RSBN1L: variants seen among roughly 807,000 people sequenced by gnomAD.
RSBN1L encodes the protein lysine-specific demethylase RSBN1L.
A neutral mutation model predicts 67.7 loss-of-function variants in RSBN1L; 30 were observed. That is an observed-to-expected ratio of 0.44 (90% CI 0.33 to 0.60). RSBN1L has a LOEUF of 0.60. Ranked by LOEUF, RSBN1L falls within the 20% of genes least tolerant of loss-of-function variation. RSBN1L has a pLI of 0.02. For synonymous variants in RSBN1L, 433 were observed against 387.0 expected (o/e 1.12, Z -1.39); for missense variants, 992 against 1,031.7 (o/e 0.96, Z 0.53).
intron 6 of RSBN1L, among the ~76,000 whole-genome samples, chr7:77,777,115 C>T (rs1226584784): frequency 1.3e-5 from 2 of 151,558 alleles, no homozygotes; most frequent in African/African-American, 2.4e-5. Flanking sequence ...TAATATGAGA[C>T]TTCTTTATGT....
intron 6 of RSBN1L, among the ~76,000 whole-genome samples, chr7:77,774,370 C>T (rs1791884542): frequency 6.6e-6 from 1 of 151,942 alleles, no homozygotes; most frequent in Non-Finnish European, 1.5e-5. Flanking sequence ...GTGGGATCAC[C>T]TGAGGTCAGG....
intron 1 of RSBN1L, among the ~76,000 whole-genome samples, chr7:77,732,027 A>T (rs1791278633): frequency 6.6e-6 from 1 of 151,896 alleles, no homozygotes; most frequent in Non-Finnish European, 1.5e-5. Context: ...TTCTCTTTTT[A>T]TTTTTAAATA....
chr7:77,748,956 T>C (rs1473446134), intron 2 of RSBN1L, among the ~76,000 whole-genome samples: 1 of 152,132 alleles, frequency 6.6e-6, no homozygotes, highest in Non-Finnish European at 1.5e-5. Context: ...TCTCGCTGTG[T>C]ACATGAAGAG....
rs774492269 is a variant in RSBN1L at position 77,696,819 on chromosome 7, C to T, written c.350C>T (p.Ser117Phe). ...SAGTAVPSSA[S>F]ASLSQPVPRK... The stretch of plus-strand genomic sequence containing the variant: ...GGCACGGCCGTTCCCTCCTCAGCCT[C>T]CGCTTCCTTGTCTCAGCCGGTGCCG... The change falls in exon 1 of 8, where the codon TCC becomes TTC. Residue 117 changes from serine to phenylalanine, a missense_variant. Transcript: ENST00000334955. 2.5e-6 allele frequency: 4 copies of T among 1,613,678 alleles called. No individual in the cohort carries two copies. The highest frequency in any genetic ancestry group is 4.5e-5 in the East Asian group (2 of 44,878).
Position 77,779,172 on chromosome 7 carries a change from T to C in RSBN1L, c.*4T>C, listed in dbSNP as rs1791960969. The C allele has an allele frequency of 6.4e-7, 1 of 1,556,260 alleles. No individual in the cohort carries two copies. The highest frequency in any genetic ancestry group is 2.1e-5 in the Admixed American group (1 of 46,690). On this transcript the variant is annotated 3_prime_UTR_variant, in exon 8 of 8. Transcript: ENST00000334955. ...AGACGATGACATTTTGTGCTAAATT[T>C]GCATATACCATCTAAAATCCTTTTT... is the stretch of plus-strand genomic sequence containing the variant.
chr7:77,742,870 T>G (rs948800247), intron 2 of RSBN1L, among the ~76,000 whole-genome samples: 1 of 152,168 alleles, frequency 6.6e-6, no homozygotes, highest in African/African-American at 2.4e-5. Flanking sequence ...CTATATTGTT[T>G]GCACAGTTTT....
chr7:77,758,105 G>A (rs186201727), intron 3 of RSBN1L, among the ~76,000 whole-genome samples: 16 of 152,060 alleles, frequency 1.1e-4, no homozygotes, highest in Non-Finnish European at 2.1e-4. Context: ...GTTTTTAATC[G>A]ATAAAAGAGT....
intron 1 of RSBN1L, among the ~76,000 whole-genome samples, chr7:77,707,514 G>T (rs1434359145): frequency 1.3e-5 from 2 of 152,074 alleles, no homozygotes; most frequent in Non-Finnish European, 2.9e-5. Context: ...TTATAGAAGA[G>T]TATATATTTC....
At chr7:77,707,397 CAAT>C (rs1790910263) in intron 1 of RSBN1L, among the ~76,000 whole-genome samples, 1 of 152,202 alleles carries the variant, frequency 6.6e-6, no homozygotes, top group African/African-American at 2.4e-5. Flanking sequence ...CCTTTACTCT[CAAT>C]GATTAATCTG....
intron 6 of RSBN1L, among the ~76,000 whole-genome samples, chr7:77,775,143 G>A (rs1339353348): frequency 2.0e-5 from 3 of 152,168 alleles, no homozygotes; most frequent in East Asian, 1.9e-4. Flanking sequence ...GTAGAGACAC[G>A]GTCTTGCTCT....
chr7:77,778,678 T>C lies in RSBN1L; in HGVS notation c.2051T>C (p.Leu684Ser). 6.2e-7 allele frequency: 1 copy of C among 1,614,070 alleles called. No individual in the cohort carries two copies. Among genetic ancestry groups the C allele is most frequent in the Non-Finnish European group, 8.5e-7 (1 of 1,180,000 alleles). Reference protein sequence around the residue: ...QFKTVSAVCSLAWHIRLKLYH... With the variant: ...QFKTVSAVCSSAWHIRLKLYH... ...AAGACAGTTTCAGCTGTATGCAGTT[T>C]AGCATGGCATATTCGGCTCAAATTA... The change falls in exon 8 of 8, where the codon TTA (leucine) becomes TCA (serine). Residue 684 changes from leucine to serine, a missense_variant. Physicochemically the swap from Leu to Ser is moderately radical, Grantham distance 145 (BLOSUM62 -2). Coordinates refer to ENST00000334955, the MANE Select transcript of RSBN1L (RefSeq NM_198467.3).
At chr7:77,765,665 T>C in intron 4 of RSBN1L, 33 bp downstream of exon 4, 1 of 1,479,952 alleles carries the variant, frequency 6.8e-7, no homozygotes, top group Non-Finnish European at 9.1e-7. Context: ...ATTAGAGTTT[T>C]TTTTTTAAAA....
chr7:77,709,198 A>ATGTGTATGTATG (rs11268837), intron 1 of RSBN1L, among the ~76,000 whole-genome samples: 1 of 63,644 alleles, frequency 1.6e-5, no homozygotes, highest in African/African-American at 4.7e-5. Flanking sequence ...GTGTGTGTGT[A>ATGTGTATGTATG]TGTATGTGTA....
At chr7:77,702,029 A>C (rs1790825404) in intron 1 of RSBN1L, among the ~76,000 whole-genome samples, 1 of 151,142 alleles carries the variant, frequency 6.6e-6, no homozygotes, top group African/African-American at 2.4e-5. Context: ...AGTGCAATGC[A>C]GTTTTGGCTC....
intron 2 of RSBN1L, among the ~76,000 whole-genome samples, chr7:77,744,750 C>G (rs1025946891): frequency 6.6e-6 from 1 of 152,060 alleles, no homozygotes; most frequent in Admixed American, 6.5e-5. Context: ...TAACACTTTG[C>G]CTTTTATGAC....
intron 1 of RSBN1L, among the ~76,000 whole-genome samples, chr7:77,732,595 A>G (rs1286397806): frequency 2.0e-5 from 3 of 152,076 alleles, no homozygotes; most frequent in African/African-American, 7.2e-5. Flanking sequence ...TGCCCTCCCA[A>G]AGTGCTGGGA....
At position 77,766,837 on chromosome 7, in the gene RSBN1L, C is replaced by T. The variant is rs535235255; in HGVS notation, c.1482+1205C>T. ...CTTTAACCTTGTTCCATTCCTTTTT[C>T]TCTTTTCCTTTTAAACTTTTTGTTC... On this transcript the variant is annotated intron_variant, in intron 4 of 7. Coordinates refer to ENST00000334955, the MANE Select transcript of RSBN1L (RefSeq NM_198467.3). Among the ~76,000 whole-genome samples, 5 of 152,086 alleles carry T rather than the reference C, an allele frequency of 3.3e-5. 1 individual carries two copies. In the South Asian group the frequency reaches 8.3e-4, roughly 25 times the overall value.
At chr7:77,699,882 C>T (rs992217773) in intron 1 of RSBN1L, among the ~76,000 whole-genome samples, 5 of 151,804 alleles carry the variant, frequency 3.3e-5, no homozygotes, top group East Asian at 1.9e-4. Context: ...CTGCAACCTC[C>T]GCCTCCCGGG....
chr7:77,700,319 A>G (rs1322768478), intron 1 of RSBN1L, among the ~76,000 whole-genome samples: 1 of 152,212 alleles, frequency 6.6e-6, no homozygotes, highest in Non-Finnish European at 1.5e-5. Flanking sequence ...CACTGACTCC[A>G]GTAACCAGCA....
Sources: allele counts gnomAD v4.1 joint callset (sites outside exome capture counted in the v4.1 genomes callset), GRCh38; gene constraint gnomAD v4.1.1; transcripts MANE v1.5; gene names NCBI Gene and HGNC (gene_info 2026-07-23, HGNC 2026-07-21).